Variants in BEND6 observed in about 807,000 individuals in gnomAD.
BEND6 encodes the protein BEN domain containing 6.
Under a neutral mutation model 31.8 loss-of-function variants are expected in BEND6, and 24 were observed. That is an observed-to-expected ratio of 0.75 (90% CI 0.55 to 1.06). The LOEUF (loss-of-function observed/expected upper bound fraction) is 1.06. Among genes scored for constraint, BEND6 ranks in the 50% least tolerant of loss-of-function variants. BEND6 has a pLI of 0.00. For synonymous variants in BEND6, 109 were observed against 114.6 expected (o/e 0.95, Z 0.31); for missense variants, 294 against 327.4 (o/e 0.90, Z 0.79).
At position 56,991,152 on chromosome 6, in the gene BEND6, T is replaced by C. The variant is rs534797378; in HGVS notation, c.121-1226T>C. Among the ~76,000 whole-genome samples, 6 of 152,352 alleles carry C rather than the reference T, an allele frequency of 3.9e-5. No individual in the cohort carries two copies. The South Asian group carries it at 1.2e-3, about 32-fold the overall frequency. On this transcript the variant is annotated intron_variant, in intron 2 of 6. Coordinates refer to ENST00000370746, the MANE Select transcript of BEND6 (RefSeq NM_152731.3). ...AAAATAAATTAATTAAGCCTTCTTA[T>C]CTCTGAACATGATGTCTCTCTACAT...
At chr6:56,960,545 ACAG>A (rs1474904252) in intron 1 of BEND6, among the ~76,000 whole-genome samples, 16 of 152,268 alleles carry the variant, frequency 1.1e-4, no homozygotes, top group African/African-American at 3.4e-4. Flanking sequence ...TAATAAAACT[ACAG>A]CAACATTGAA....
chr6:56,987,781 C>G (rs1157599222), intron 2 of BEND6, among the ~76,000 whole-genome samples: 1 of 152,056 alleles, frequency 6.6e-6, no homozygotes, highest in South Asian at 2.1e-4. Context: ...TTTTAAACAA[C>G]AAACTTCTAG....
intron 3 of BEND6, among the ~76,000 whole-genome samples, chr6:57,003,510 CA>C (rs1032420317): frequency 2.0e-5 from 3 of 150,014 alleles, no homozygotes; most frequent in African/African-American, 7.5e-5. Context: ...CAAAAACAAA[CA>C]GCAACAACAA....
intron 3 of BEND6, among the ~76,000 whole-genome samples, chr6:57,014,844 A>G (rs959974261): frequency 2.6e-5 from 4 of 152,260 alleles, no homozygotes; most frequent in Non-Finnish European, 5.9e-5. Flanking sequence ...TAGAAAAAAA[A>G]GAATCAACTT....
At chr6:56,979,806 CAGAAAAAGTTTGT>C (rs1826008779) in intron 1 of BEND6, among the ~76,000 whole-genome samples, 1 of 152,182 alleles carries the variant, frequency 6.6e-6, no homozygotes, top group Non-Finnish European at 1.5e-5. Flanking sequence ...CATCCCTTTG[CAGAAAAAGTTTGT>C]CAACCCTGTT....
intron 1 of BEND6, among the ~76,000 whole-genome samples, chr6:56,958,404 C>T (rs1727823825): frequency 6.6e-6 from 1 of 152,184 alleles, no homozygotes; most frequent in African/African-American, 2.4e-5. Flanking sequence ...AGTTTCCACC[C>T]TAAGCTGTGT....
chr6:56,974,481 G>T (rs1004273147), intron 1 of BEND6, among the ~76,000 whole-genome samples: 1 of 152,174 alleles, frequency 6.6e-6, no homozygotes, highest in African/African-American at 2.4e-5. Context: ...TGAAGTATCA[G>T]TGTTCATAAA....
intron 2 of BEND6, among the ~76,000 whole-genome samples, chr6:56,988,986 G>A (rs1041960843): frequency 2.0e-5 from 3 of 152,070 alleles, no homozygotes; most frequent in South Asian, 2.1e-4. Context: ...AGCCGAGATC[G>A]TGCCACTGCA....
At chr6:56,999,925 C>G (rs535835867) in intron 3 of BEND6, among the ~76,000 whole-genome samples, 2 of 149,254 alleles carry the variant, frequency 1.3e-5, no homozygotes, top group Non-Finnish European at 3.0e-5. Context: ...GTCTAGGAAG[C>G]GAGCCCCTCT....
At position 57,015,333 on chromosome 6, in the gene BEND6, C is replaced by G. The variant is rs751178504; in HGVS notation, c.499C>G (p.His167Asp). Residue 167 changes from histidine to aspartate, a missense_variant, in exon 4 of 7, where the codon CAT (histidine) becomes GAT (aspartate). By Grantham distance (81) the His-to-Asp change is moderately conservative. Transcript: ENST00000370746. ...AGTTTCCTTAAAGCCTGAGGAAGAG[C>G]ATCAGACTGATGAGAAACAGGTCAG... ...SPVSLKPEEE[H>D]QTDEKQFQIE... 1 of 1,613,550 alleles carries G rather than the reference C, an allele frequency of 6.2e-7. No homozygotes were observed.
chr6:57,023,166 G>A (rs1380007396), intron 6 of BEND6, among the ~76,000 whole-genome samples: 1 of 152,174 alleles, frequency 6.6e-6, no homozygotes, highest in Admixed American at 6.5e-5. Flanking sequence ...TTTAACTCCA[G>A]TGTTTCCTTG....
At chr6:56,982,216 A>G (rs1463454383) in intron 2 of BEND6, among the ~76,000 whole-genome samples, 2 of 152,174 alleles carry the variant, frequency 1.3e-5, no homozygotes, top group African/African-American at 4.8e-5. Flanking sequence ...CCACTGCACC[A>G]TCTTATGTTC....
chr6:56,968,204 A>T (rs898799893), intron 1 of BEND6, among the ~76,000 whole-genome samples: 6 of 152,108 alleles, frequency 3.9e-5, no homozygotes, highest in Non-Finnish European at 8.8e-5. Context: ...CTCCAGAAAG[A>T]TAAGAATGTT....
chr6:56,981,293 A>G (rs1313171774), intron 1 of BEND6, among the ~76,000 whole-genome samples: 1 of 152,072 alleles, frequency 6.6e-6, no homozygotes, highest in Non-Finnish European at 1.5e-5. Context: ...ATTCTTACTG[A>G]TTTCCCTGGA....
At chr6:56,978,884 A>G (rs1391674697) in intron 1 of BEND6, among the ~76,000 whole-genome samples, 1 of 152,252 alleles carries the variant, frequency 6.6e-6, no homozygotes, top group Non-Finnish European at 1.5e-5. Context: ...TTAAGAAATC[A>G]TAAGACAAAA....
At chr6:56,992,353 T>C in intron 2 of BEND6, 25 bp from the exon 3 acceptor site, 1 of 1,573,038 alleles carries the variant, frequency 6.4e-7, no homozygotes. Context: ...GAGGCTTCTT[T>C]TATTGTGCCT....
chr6:57,014,096 A>G (rs1827444886), intron 3 of BEND6: 1 of 158,664 alleles, frequency 6.3e-6, no homozygotes, highest in Non-Finnish European at 1.4e-5. Flanking sequence ...ATCTCAGAAT[A>G]GTGCCTAGCA....
chr6:57,023,500 G>A (rs1827813983), intron 6 of BEND6, among the ~76,000 whole-genome samples: 1 of 152,154 alleles, frequency 6.6e-6, no homozygotes, highest in South Asian at 2.1e-4. Flanking sequence ...TTCAATCGAT[G>A]TGTGTCTTTA....
intron 5 of BEND6, 152 bp from the exon 6 acceptor site, chr6:57,018,269 C>T (rs916431102): frequency 7.4e-6 from 5 of 678,582 alleles, no homozygotes; most frequent in Non-Finnish European, 1.1e-5. Context: ...CCTATATATT[C>T]ATCTGTTTAA....
Sources: gnomAD v4.1 joint callset for allele counts (sites outside exome capture counted in the v4.1 genomes callset) on GRCh38, gnomAD v4.1.1 for gene constraint, MANE v1.5 for transcripts, NCBI Gene and HGNC (gene_info 2026-07-23, HGNC 2026-07-21) for gene names.